The following TOP3A variants were observed in gnomAD, a reference collection of about 807,000 sequenced individuals.
The protein encoded by TOP3A is DNA topoisomerase 3-alpha.
A neutral mutation model predicts 111.3 loss-of-function variants in TOP3A; 64 were observed. The ratio of observed to expected loss-of-function variants is 0.57; its 90% confidence interval spans 0.47 to 0.71. TOP3A has a LOEUF of 0.71. Ranked by LOEUF, TOP3A falls within the 30% of genes least tolerant of loss-of-function variation. The probability of loss-of-function intolerance (pLI) is 0.00; values close to 1 mark genes in which losing one functional copy is unlikely to be tolerated. For synonymous variants in TOP3A, 484 were observed against 485.1 expected, an observed-to-expected ratio of 1.00 and a Z score of 0.03; for missense variants, 1,104 against 1,285.0, an observed-to-expected ratio of 0.86 and a Z score of 2.15.
At chr17:18,305,302 C>G in intron 4 of TOP3A, 82 bp from the exon 5 acceptor site, 1 of 1,174,080 alleles carries the variant, frequency 8.5e-7, no homozygotes, top group Non-Finnish European at 1.3e-6. Flanking sequence ...GGGGATCTGA[C>G]TGAAGGTTAA....
intron 4 of TOP3A, 118 bp downstream of exon 4, chr17:18,306,773 T>C (rs749742937): frequency 7.0e-6 from 5 of 718,600 alleles, no homozygotes; most frequent in Non-Finnish European, 9.5e-6. Flanking sequence ...TTTTAAATCA[T>C]GGTAGTGACT....
intron 15 of TOP3A, among the ~76,000 whole-genome samples, chr17:18,284,587 T>C (rs1057351884): frequency 6.6e-6 from 1 of 152,106 alleles, no homozygotes; most frequent in Non-Finnish European, 1.5e-5. Context: ...CAAATATATA[T>C]ATCTTATTAT....
chr17:18,292,630 T>C lies in TOP3A; in HGVS notation c.1281+15A>G. On this transcript the variant is annotated intron_variant, in intron 11 of 18. Transcript: ENST00000321105. ...CCTATGGGTTCCAGCAGGCAGTACA[T>C]TCAGGGAAACCAACCTGTAAGTTGT... 1.3e-6 allele frequency: 2 copies of C among 1,540,632 alleles called. No individual in the cohort carries two copies. The highest frequency in any genetic ancestry group is 1.8e-6 in the Non-Finnish European group (2 of 1,139,224).
At chr17:18,302,886 TAA>T (rs1302162176) in intron 5 of TOP3A, 163 bp from the exon 6 acceptor site, 1 of 741,758 alleles carries the variant, frequency 1.3e-6, no homozygotes, top group Non-Finnish European at 2.1e-6. Flanking sequence ...GTACAGTGTC[TAA>T]AGAGGAAACA....
chr17:18,275,127 T>A, intron 18 of TOP3A, 147 bp from the exon 19 acceptor site: 1 of 1,230,068 alleles, frequency 8.1e-7, no homozygotes, highest in Non-Finnish European at 1.1e-6. Context: ...AAGATCAGCC[T>A]GGGCAACATG....
In TOP3A at chr17:18,280,666, C is replaced by G. The variant is rs377403286; in HGVS notation, c.2022-8G>C. On this transcript the variant is annotated splice_polypyrimidine_tract_variant and splice_region_variant and intron_variant, in intron 16 of 18. Transcript: ENST00000321105. The stretch of plus-strand genomic sequence containing the variant: ...ATGCAGCTGAGGTAGAACCTGGGGA[C>G]AAAGTGCCATGTCAGATGATAGGAG... 6.2e-7 allele frequency: 1 copy of G among 1,613,820 alleles called. No homozygotes were observed. The highest frequency in any genetic ancestry group is 2.2e-5 in the East Asian group (1 of 44,876).
chr17:18,299,960 T>C (rs985290863), intron 8 of TOP3A, among the ~76,000 whole-genome samples: 11 of 152,188 alleles, frequency 7.2e-5, no homozygotes, highest in South Asian at 2.1e-4. Context: ...CTTTCTGTTG[T>C]TGTTTTCTTT....
chr17:18,299,796 G>A (rs1001697926), intron 8 of TOP3A, among the ~76,000 whole-genome samples, 163 bp from the exon 9 acceptor site: 10 of 152,192 alleles, frequency 6.6e-5, no homozygotes, highest in African/African-American at 2.4e-4. Context: ...GCTTGTAGCT[G>A]ACAGTATGGT....
Position 18,296,548 on chromosome 17 carries a change from C to A in TOP3A, c.991-1763G>T, listed in dbSNP as rs143199898. Among the ~76,000 whole-genome samples the A allele has an allele frequency of 5.8e-4, 88 of 152,260 alleles. No homozygotes were observed. The East Asian group carries it at 6.8e-3, about 12-fold the overall frequency. ...TGAACCAAGATCACGCCACTGCACT[C>A]CAGCCTGGCGACAGAGCAAGACTCT... On this transcript the variant is annotated intron_variant, in intron 9 of 18. Coordinates refer to ENST00000321105, the MANE Select transcript of TOP3A (RefSeq NM_004618.5).
In TOP3A at chr17:18,271,619, G is replaced by T. The variant is rs1224592467; in HGVS notation, c.*3183C>A. On this transcript the variant is annotated 3_prime_UTR_variant, in exon 19 of 19. Transcript: ENST00000321105. ...GGGTCTGTCTGATCTCAGATGCCTGGCCCAGTCCATGGTGCAGCCCAATCC... is the reference window on the plus strand; with the variant it reads ...GGGTCTGTCTGATCTCAGATGCCTGTCCCAGTCCATGGTGCAGCCCAATCC... The T allele has an allele frequency of 1.4e-5, 4 of 279,752 alleles. No homozygotes were observed. Among genetic ancestry groups the T allele is most frequent in the South Asian group, 2.7e-5 (1 of 37,572 alleles). 17.3% of individuals were successfully genotyped at this position (279,752 alleles called of 1,614,324 possible).
chr17:18,291,233 G>C (rs1980459569), intron 11 of TOP3A, among the ~76,000 whole-genome samples: 1 of 152,246 alleles, frequency 6.6e-6, no homozygotes, highest in South Asian at 2.1e-4. Context: ...ATCTGGCAAA[G>C]ATAAGCAAAG....
chr17:18,288,150 AATT>A (rs1328925669), intron 13 of TOP3A, among the ~76,000 whole-genome samples: 1 of 78,828 alleles, frequency 1.3e-5, no homozygotes, highest in Non-Finnish European at 2.7e-5. Flanking sequence ...TATATATATA[AATT>A]TTTTTTTTTT....
chr17:18,303,682 G>A (rs1361310609), intron 5 of TOP3A, among the ~76,000 whole-genome samples: 1 of 152,054 alleles, frequency 6.6e-6, no homozygotes, highest in Non-Finnish European at 1.5e-5. Flanking sequence ...ACAGTCTTTT[G>A]TTTGTTTTCC....
At position 18,278,019 on chromosome 17, in the gene TOP3A, CCCT is replaced by C. The variant is rs1567733701; in HGVS notation, c.2480_2482del (p.Glu827del). On this transcript the variant is annotated inframe_deletion, in exon 18 of 19. Transcript: ENST00000321105. Reference sequence around the variant, plus strand: ...AAAGAACTGCCGGCCCCGGTTGGGGCCCTCCTTACGGACAGTGAGCAGCACAGC... The same window carrying C: ...AAAGAACTGCCGGCCCCGGTTGGGGCCCTTACGGACAGTGAGCAGCACAGC... 5 of 1,614,044 alleles carry C rather than the reference CCCT, an allele frequency of 3.1e-6. No individual in the cohort carries two copies. In the African/African-American group the frequency reaches 6.7e-5, roughly 22 times the overall value.
chr17:18,294,323 A>C (rs866999314), intron 10 of TOP3A, among the ~76,000 whole-genome samples: 21 of 151,560 alleles, frequency 1.4e-4, no homozygotes, highest in South Asian at 6.3e-4. Context: ...TTATTTCTTT[A>C]TTTCTTTCTT....
In TOP3A at chr17:18,279,129, T is replaced by C. The variant is rs117213126; in HGVS notation, c.2145-772A>G. ...CAGCTCTCTTCTATTAAGCCAGACA[T>C]ACAAATTGCAAAATGTAAAACAATG... On this transcript the variant is annotated intron_variant, in intron 17 of 18. Transcript: ENST00000321105. 8.0e-4 allele frequency among the ~76,000 whole-genome samples: 122 copies of C among 152,356 alleles called. 6 individuals are homozygous for C. The East Asian group carries it at 0.024, about 29-fold the overall frequency.
intron 5 of TOP3A, 160 bp from the exon 6 acceptor site, chr17:18,302,883 G>T (rs1310059386): frequency 2.7e-6 from 2 of 748,590 alleles, no homozygotes; most frequent in Non-Finnish European, 4.2e-6. Flanking sequence ...GGTGTACAGT[G>T]TCTAAAGAGG....
intron 9 of TOP3A, 151 bp downstream of exon 9, chr17:18,299,408 A>G (rs1981078293): frequency 1.4e-6 from 1 of 739,652 alleles, no homozygotes; most frequent in South Asian, 1.6e-5. Flanking sequence ...CAGTGAGGCT[A>G]AGCAGGACCG....
At chr17:18,301,202 T>C (rs1981205157) in intron 8 of TOP3A, among the ~76,000 whole-genome samples, 1 of 152,166 alleles carries the variant, frequency 6.6e-6, no homozygotes, top group Non-Finnish European at 1.5e-5. Flanking sequence ...AACCAGGCTG[T>C]TATGTGCTAA....
Sources: gnomAD v4.1 joint callset for allele counts (sites outside exome capture counted in the v4.1 genomes callset) on GRCh38, gnomAD v4.1.1 for gene constraint, MANE v1.5 for transcripts, NCBI Gene and HGNC (gene_info 2026-07-23, HGNC 2026-07-21) for gene names.